The following MAP4K3 variants were observed in gnomAD, a reference collection of about 807,000 sequenced individuals.
MAP4K3 encodes MAPK/ERK kinase kinase kinase 3.
Under a neutral mutation model 143.5 loss-of-function variants are expected in MAP4K3, and 94 were observed. The ratio of observed to expected loss-of-function variants is 0.65; its 90% CI spans 0.55 to 0.78. The LOEUF (loss-of-function observed/expected upper bound fraction) is 0.78, where lower values mean the gene tolerates loss of function less well. Among genes scored for constraint, MAP4K3 ranks in the 30% least tolerant of loss-of-function variants. The pLI is 0.00. For synonymous variants in MAP4K3, 416 were observed against 347.2 expected (o/e 1.20, Z -2.20); for missense variants, 1,077 against 1,068.1 (o/e 1.01, Z -0.12).
intron 2 of MAP4K3, among the ~76,000 whole-genome samples, chr2:39,369,416 G>C (rs1666020567): frequency 6.6e-6 from 1 of 151,802 alleles, no homozygotes; most frequent in African/African-American, 2.4e-5. Context: ...CAAAGTGCTG[G>C]GATTACAGGC....
At chr2:39,334,500 A>C (rs913070456) in intron 6 of MAP4K3, among the ~76,000 whole-genome samples, 4 of 152,094 alleles carry the variant, frequency 2.6e-5, no homozygotes, top group African/African-American at 4.8e-5. Context: ...AGCTGCACCC[A>C]CCCACTGATA....
intron 6 of MAP4K3, among the ~76,000 whole-genome samples, chr2:39,334,893 A>G (rs924180369): frequency 2.0e-5 from 3 of 152,218 alleles, no homozygotes; most frequent in Non-Finnish European, 4.4e-5. Context: ...GGTAGAAATA[A>G]TTACTCTGAA....
At chr2:39,429,205 T>C (rs540493299) in intron 1 of MAP4K3, among the ~76,000 whole-genome samples, 1 of 151,478 alleles carries the variant, frequency 6.6e-6, no homozygotes, top group Non-Finnish European at 1.5e-5. Context: ...TTATAATTAC[T>C]ACGCAATCCT....
intron 2 of MAP4K3, among the ~76,000 whole-genome samples, chr2:39,370,323 T>C (rs535441363): frequency 6.6e-6 from 1 of 152,194 alleles, no homozygotes; most frequent in African/African-American, 2.4e-5. Context: ...AACTACTCTA[T>C]TCATGATGGC....
chr2:39,294,974 T>C (rs957681178), intron 16 of MAP4K3, among the ~76,000 whole-genome samples: 11 of 151,938 alleles, frequency 7.2e-5, no homozygotes, highest in Admixed American at 1.3e-4. Context: ...CCACAACAGA[T>C]TGAATGCAGT....
At chr2:39,279,499 A>G (rs1681422334) in intron 23 of MAP4K3, among the ~76,000 whole-genome samples, 1 of 152,210 alleles carries the variant, frequency 6.6e-6, no homozygotes, top group African/African-American at 2.4e-5. Context: ...GACAGCTATT[A>G]AGAATCAGAT....
At chr2:39,380,333 C>CTAA (rs1233017085) in intron 1 of MAP4K3, among the ~76,000 whole-genome samples, 1 of 152,008 alleles carries the variant, frequency 6.6e-6, no homozygotes, top group Non-Finnish European at 1.5e-5. Context: ...TATGATTCAC[C>CTAA]AGGAATCTTG....
Position 39,290,296 on chromosome 2 carries a change from G to T in MAP4K3, c.1310C>A (p.Pro437Gln), listed in dbSNP as rs759737355. ...TTGAAAAATAAATCTGTCTACCTTT[G>T]GTGGCAAAGGAGGTGGAATTTTTGC... is the stretch of plus-strand genomic sequence containing the variant. The part of the protein sequence containing the change: ...LKAKIPPPLP[P>Q]KPKSIFIPQE... Residue 437 changes from proline to glutamine, a missense_variant, in exon 19 of 34, where the codon CCA becomes CAA. Pro to Gln is a moderately conservative substitution (Grantham distance 76). Around this residue, in one of 2 missense-constraint regions of MAP4K3, gnomAD observed 864 missense variants for 801.2 expected, o/e 1.08. Transcript: ENST00000263881. The T allele has an allele frequency of 1.0e-5, 16 of 1,605,962 alleles. No individual in the cohort carries two copies. The highest frequency in any genetic ancestry group is 1.4e-5 in the Non-Finnish European group (16 of 1,176,554).
chr2:39,379,735 T>C (rs1171869755), intron 1 of MAP4K3: 1 of 168,672 alleles, frequency 5.9e-6, no homozygotes, highest in East Asian at 1.9e-4. Flanking sequence ...AAAATCATGC[T>C]ATGGTTTTTT....
rs1683476970 is a variant in MAP4K3 at position 39,325,929 on chromosome 2, T to G, written c.695A>C (p.Gln232Pro). The G allele has an allele frequency of 6.3e-7, 1 of 1,596,316 alleles. No homozygotes were observed. Among genetic ancestry groups the G allele is most frequent in the Non-Finnish European group, 8.6e-7 (1 of 1,166,402 alleles). The change falls in exon 10 of 34, where the codon CAG becomes CCG. Residue 232 changes from glutamine (Q) to proline (P), a missense_variant. Around this residue, in one of 2 missense-constraint regions of MAP4K3, gnomAD observed 864 missense variants for 801.2 expected, o/e 1.08. Transcript: ENST00000263881. Reference protein sequence around the residue: ...ALFLMTKSNFQPPKLKDKMKW... With the variant: ...ALFLMTKSNFPPPKLKDKMKW... ...CATTTTATCCTTTAGTTTAGGAGGC[T>G]GAAAATTGCTTTTTGTCATTAGAAA...
intron 3 of MAP4K3, among the ~76,000 whole-genome samples, chr2:39,351,487 T>C (rs768480096): frequency 1.3e-5 from 2 of 150,564 alleles, no homozygotes; most frequent in Non-Finnish European, 1.5e-5. Flanking sequence ...TCCTGTTAGA[T>C]TATAAGCTCC....
At chr2:39,289,669 T>C (rs1681948598) in intron 19 of MAP4K3, among the ~76,000 whole-genome samples, 1 of 152,206 alleles carries the variant, frequency 6.6e-6, no homozygotes, top group Non-Finnish European at 1.5e-5. Flanking sequence ...CAGGAATAGG[T>C]TGCAGATTTT....
At chr2:39,347,866 A>G (rs1464401252) in intron 3 of MAP4K3, among the ~76,000 whole-genome samples, 1 of 151,966 alleles carries the variant, frequency 6.6e-6, no homozygotes, top group East Asian at 1.9e-4. Flanking sequence ...TTTATCCTAG[A>G]GCTTTGCTAG....
At chr2:39,318,723 T>A (rs1178834703) in intron 12 of MAP4K3, among the ~76,000 whole-genome samples, 2 of 152,142 alleles carry the variant, frequency 1.3e-5, no homozygotes, top group African/African-American at 4.8e-5. Flanking sequence ...TACTTCTTGA[T>A]AAAAAACAAA....
At chr2:39,300,787 T>C (rs556526982) in intron 15 of MAP4K3, among the ~76,000 whole-genome samples, 1 of 152,346 alleles carries the variant, frequency 6.6e-6, no homozygotes, top group African/African-American at 2.4e-5. Flanking sequence ...TAAGTTTCCA[T>C]AGCATTTAAC....
chr2:39,413,248 C>T lies in MAP4K3; in HGVS notation c.96+23644G>A, dbSNP rs182615270. ...CCAAGTTCTATTAATAATACAGAAA[C>T]TGAAGAGGATTTAAGCAAGAGATGA... On this transcript the variant is annotated intron_variant, in intron 1 of 33. Transcript: ENST00000263881. Among the ~76,000 whole-genome samples, 124 of 152,158 alleles carry T rather than the reference C, an allele frequency of 8.1e-4. 2 individuals carry two copies. Among genetic ancestry groups the T allele is most frequent in the Non-Finnish European group, 1.0e-4 (7 of 67,992 alleles).
At chr2:39,300,045 C>T (rs895014222) in intron 15 of MAP4K3, among the ~76,000 whole-genome samples, 11 of 151,888 alleles carry the variant, frequency 7.2e-5, no homozygotes, top group African/African-American at 2.7e-4. Flanking sequence ...TTTTTGGTTA[C>T]TGTTACTTTA....
At chr2:39,312,176 T>C (rs193067043) in intron 13 of MAP4K3, among the ~76,000 whole-genome samples, 1 of 152,032 alleles carries the variant, frequency 6.6e-6, no homozygotes, top group South Asian at 2.1e-4. Context: ...CTAGCCAGAG[T>C]AGACACAGAT....
chr2:39,296,232 G>A (rs1446853503), intron 16 of MAP4K3, among the ~76,000 whole-genome samples: 2 of 152,164 alleles, frequency 1.3e-5, no homozygotes, highest in Non-Finnish European at 2.9e-5. Context: ...AAAGTAGGAT[G>A]CATGATTTAC....
Sources: allele counts gnomAD v4.1 joint callset (sites outside exome capture counted in the v4.1 genomes callset), GRCh38; gene constraint gnomAD v4.1.1; regional missense constraint gnomAD v4.1.1; transcripts MANE v1.5; gene names NCBI Gene and HGNC (gene_info 2026-07-23, HGNC 2026-07-21).